The following CTIF variants were observed in gnomAD, a reference collection of about 807,000 sequenced individuals.
The protein encoded by CTIF is CBP80/20-dependent translation initiation factor.
Under a neutral mutation model 66.0 loss-of-function variants are expected in CTIF, and 21 were observed. That is an observed-to-expected ratio of 0.32 (90% CI 0.23 to 0.46). CTIF has a LOEUF of 0.46. Ranked by LOEUF, CTIF falls within the 20% of genes least tolerant of loss-of-function variation. CTIF has a pLI of 1.00. For synonymous variants in CTIF, 345 were observed against 326.4 expected, an observed-to-expected ratio of 1.06 and a Z score of -0.62; for missense variants, 739 against 812.7, an observed-to-expected ratio of 0.91 and a Z score of 1.10.
chr18:48,700,711 G>C (rs938490928), intron 6 of CTIF, among the ~76,000 whole-genome samples: 1 of 152,208 alleles, frequency 6.6e-6, no homozygotes, highest in Non-Finnish European at 1.5e-5. Context: ...ACTTCGAAGG[G>C]TGACCTCAGG....
chr18:48,625,140 C>T, intron 2 of CTIF: 1 of 836,940 alleles, frequency 1.2e-6, no homozygotes, highest in Non-Finnish European at 1.4e-6. Context: ...CCCATCTCTT[C>T]ATTTCCTTCT....
intron 10 of CTIF, among the ~76,000 whole-genome samples, chr18:48,839,982 G>C (rs1037525833): frequency 2.0e-5 from 3 of 152,174 alleles, no homozygotes; most frequent in Non-Finnish European, 4.4e-5. Flanking sequence ...GCAGTGTGAA[G>C]AAAAGCTAGT....
At chr18:48,542,752 C>A (rs1013993036) in intron 1 of CTIF, among the ~76,000 whole-genome samples, 2 of 152,182 alleles carry the variant, frequency 1.3e-5, no homozygotes, top group Non-Finnish European at 2.9e-5. Flanking sequence ...TATTCTAGAG[C>A]AAATGCAGAA....
chr18:48,668,291 G>C (rs1337435019), intron 5 of CTIF, among the ~76,000 whole-genome samples: 1 of 152,230 alleles, frequency 6.6e-6, no homozygotes, highest in African/African-American at 2.4e-5. Context: ...ACCCACAGGA[G>C]ACACTGGGGA....
At chr18:48,751,947 TCA>T (rs1907859151) in intron 7 of CTIF, among the ~76,000 whole-genome samples, 1 of 7,604 alleles carries the variant, frequency 1.3e-4, no homozygotes. Flanking sequence ...CATTTATTAT[TCA>T]TTCATTCATT....
chr18:48,814,115 G>A (rs1420089361), intron 9 of CTIF, among the ~76,000 whole-genome samples: 1 of 152,170 alleles, frequency 6.6e-6, no homozygotes, highest in East Asian at 1.9e-4. Context: ...AGTCTGCTGG[G>A]GAACTGTTAT....
intron 3 of CTIF, among the ~76,000 whole-genome samples, chr18:48,646,914 A>AC (rs1448184730): frequency 6.6e-6 from 1 of 151,118 alleles, no homozygotes; most frequent in Non-Finnish European, 1.5e-5. Context: ...AAAAAAAAAA[A>AC]AAAAAAAAAA....
intron 7 of CTIF, among the ~76,000 whole-genome samples, chr18:48,748,314 C>G (rs1195135664): frequency 6.6e-6 from 1 of 151,860 alleles, no homozygotes; most frequent in Non-Finnish European, 1.5e-5. Flanking sequence ...AGGTGGGGGC[C>G]ACTCAGTGTT....
chr18:48,711,319 T>G lies in CTIF; in HGVS notation c.508-300T>G, dbSNP rs192230721. On this transcript the variant is annotated intron_variant, in intron 6 of 11. Transcript: ENST00000256413. ...TCTGCAAAACCTTGAACCAGCTTGTTCATCTTTCCAGATTTGAATGTCTCA... is the reference window on the plus strand; with the variant it reads ...TCTGCAAAACCTTGAACCAGCTTGTGCATCTTTCCAGATTTGAATGTCTCA... Among the ~76,000 whole-genome samples the G allele has an allele frequency of 3.3e-5, 5 of 152,364 alleles. No homozygotes were observed. The East Asian group carries it at 9.6e-4, about 29-fold the overall frequency.
chr18:48,685,478 C>G (rs1183020874), intron 6 of CTIF, among the ~76,000 whole-genome samples: 2 of 152,108 alleles, frequency 1.3e-5, no homozygotes, highest in South Asian at 4.2e-4. Context: ...CTGCCTCGAC[C>G]TCCCAAAGTG....
intron 6 of CTIF, among the ~76,000 whole-genome samples, chr18:48,684,263 A>G (rs1288262223): frequency 6.6e-6 from 1 of 152,174 alleles, no homozygotes; most frequent in Non-Finnish European, 1.5e-5. Flanking sequence ...TTTTTATCAA[A>G]ATAGTACCTG....
rs560492117 is a variant in CTIF, at chr18:48,722,301, G to A, written c.584+10606G>A. Among the ~76,000 whole-genome samples, 5 of 145,662 alleles carry A rather than the reference G, an allele frequency of 3.4e-5. No homozygotes were observed. The East Asian group carries it at 1.0e-3, about 30-fold the overall frequency. ...CACAATTATAGCTCACGACAGCCTC[G>A]ACCTGCTGGGCTCAAGTGATCCTCC... On this transcript the variant is annotated intron_variant, in intron 7 of 11. Coordinates refer to ENST00000256413, the MANE Select transcript of CTIF (RefSeq NM_014772.3).
intron 7 of CTIF, among the ~76,000 whole-genome samples, chr18:48,736,953 T>A (rs2092508935): frequency 6.6e-6 from 1 of 152,136 alleles, no homozygotes; most frequent in Non-Finnish European, 1.5e-5. Flanking sequence ...CTGCATCTGC[T>A]CAAACTGCTG....
chr18:48,847,627 A>G (rs1368130175), intron 10 of CTIF, among the ~76,000 whole-genome samples: 3 of 152,228 alleles, frequency 2.0e-5, no homozygotes, highest in African/African-American at 7.2e-5. Context: ...AAAGATAGAA[A>G]CATCATAACA....
chr18:48,584,000 TAC>T (rs1394695696), intron 1 of CTIF, among the ~76,000 whole-genome samples: 3 of 152,238 alleles, frequency 2.0e-5, no homozygotes, highest in African/African-American at 7.2e-5. Context: ...CTATAACCCT[TAC>T]AGCACCTTTG....
At chr18:48,788,740 G>T (rs956846968) in intron 9 of CTIF, among the ~76,000 whole-genome samples, 3 of 152,098 alleles carry the variant, frequency 2.0e-5, no homozygotes, top group Non-Finnish European at 2.9e-5. Flanking sequence ...ACCATCACAG[G>T]GAAACTCAAG....
intron 1 of CTIF, among the ~76,000 whole-genome samples, chr18:48,607,049 A>G (rs1368476718): frequency 1.3e-5 from 2 of 152,188 alleles, no homozygotes; most frequent in East Asian, 3.8e-4. Flanking sequence ...TTGGAAACCA[A>G]CAATCTGTGG....
intron 4 of CTIF, 83 bp downstream of exon 4, chr18:48,663,908 G>A: frequency 8.2e-7 from 1 of 1,225,184 alleles, no homozygotes; most frequent in Non-Finnish European, 1.2e-6. Context: ...GAACGCTGAT[G>A]GTTCATGAGC....
At chr18:48,793,827 A>T (rs1485320092) in intron 9 of CTIF, among the ~76,000 whole-genome samples, 1 of 152,176 alleles carries the variant, frequency 6.6e-6, no homozygotes, top group Non-Finnish European at 1.5e-5. Context: ...TCCCCAGGAA[A>T]GTGGGAAGGT....
Sources: allele counts gnomAD v4.1 joint callset (sites outside exome capture counted in the v4.1 genomes callset), GRCh38; gene constraint gnomAD v4.1.1; transcripts MANE v1.5; gene names NCBI Gene and HGNC (gene_info 2026-07-23, HGNC 2026-07-21).